Variants in SLC24A2 observed in about 807,000 individuals in gnomAD.
The protein encoded by SLC24A2 is sodium/potassium/calcium exchanger 2.
A neutral mutation model predicts 62.0 loss-of-function variants in SLC24A2; 36 were observed. That is an observed-to-expected ratio of 0.58 (90% CI 0.44 to 0.77). The LOEUF (loss-of-function observed/expected upper bound fraction) is 0.77, where lower values mean the gene tolerates loss of function less well. Ranked by LOEUF, SLC24A2 falls within the 30% of genes least tolerant of loss-of-function variation. The probability of loss-of-function intolerance (pLI) is 0.00; values close to 1 mark genes in which losing one functional copy is unlikely to be tolerated. For missense variants in SLC24A2, 846 were observed against 817.9 expected (o/e 1.03, Z -0.42); for synonymous variants, 358 against 294.0 (o/e 1.22, Z -2.23).
the SLC24A2 span, among the ~76,000 whole-genome samples, chr9:19,810,071 C>A: frequency 6.6e-6 from 1 of 152,182 alleles, no homozygotes; most frequent in Non-Finnish European, 1.5e-5. Context: ...AGAGGCCACA[C>A]TGCTGGCTAG....
the SLC24A2 span, among the ~76,000 whole-genome samples, chr9:20,242,932 G>T: frequency 3.3e-5 from 5 of 152,140 alleles, no homozygotes; most frequent in African/African-American, 4.8e-5. Flanking sequence ...GGGGATGGGT[G>T]GTGGTTAAAT....
the SLC24A2 span, among the ~76,000 whole-genome samples, chr9:20,032,089 G>C: frequency 6.6e-6 from 1 of 152,118 alleles, no homozygotes; most frequent in Admixed American, 6.5e-5. Flanking sequence ...TATTTCCTAA[G>C]GCCTGATCTA....
intron 2 of SLC24A2, among the ~76,000 whole-genome samples, chr9:19,710,885 G>A (rs1820696116): frequency 6.6e-6 from 1 of 152,180 alleles, no homozygotes; most frequent in Non-Finnish European, 1.5e-5. Context: ...CCAGTGAAAT[G>A]GATGACTATA....
the SLC24A2 span, among the ~76,000 whole-genome samples, chr9:19,810,081 G>C: frequency 6.6e-6 from 1 of 152,160 alleles, no homozygotes; most frequent in African/African-American, 2.4e-5. Flanking sequence ...CTGCTGGCTA[G>C]AACTATAGCA....
the SLC24A2 span, among the ~76,000 whole-genome samples, chr9:19,821,874 T>C: frequency 6.6e-6 from 1 of 152,152 alleles, no homozygotes; most frequent in African/African-American, 2.4e-5. Flanking sequence ...ATAACATGTA[T>C]ACCTACATAT....
chr9:20,095,287 A>C, the SLC24A2 span, among the ~76,000 whole-genome samples: 1 of 152,258 alleles, frequency 6.6e-6, no homozygotes, highest in African/African-American at 2.4e-5. Context: ...TAATCTATGT[A>C]AACAAAAGTT....
At chr9:20,022,050 C>T in the SLC24A2 span, among the ~76,000 whole-genome samples, 1 of 152,164 alleles carries the variant, frequency 6.6e-6, no homozygotes, top group African/African-American at 2.4e-5. Flanking sequence ...ATGTCTACTG[C>T]CTAAACCAGA....
At chr9:20,180,060 C>A in the SLC24A2 span, among the ~76,000 whole-genome samples, 1 of 152,058 alleles carries the variant, frequency 6.6e-6, no homozygotes, top group African/African-American at 2.4e-5. Flanking sequence ...CATTGCCTGG[C>A]TAAAATCAAC....
chr9:20,106,318 A>G, the SLC24A2 span, among the ~76,000 whole-genome samples: 1 of 152,246 alleles, frequency 6.6e-6, no homozygotes, highest in African/African-American at 2.4e-5. Flanking sequence ...AATCAATAGA[A>G]AAAGAGGGAA....
At chr9:20,263,869 C>A in the SLC24A2 span, among the ~76,000 whole-genome samples, 6 of 116,874 alleles carry the variant, frequency 5.1e-5, no homozygotes, top group Non-Finnish European at 8.9e-5. Flanking sequence ...CCGCCCCCCC[C>A]CCCCCATTAA....
chr9:19,551,330 C>T (rs1465276070), intron 7 of SLC24A2, among the ~76,000 whole-genome samples: 1 of 152,202 alleles, frequency 6.6e-6, no homozygotes. Flanking sequence ...TCTGACTTGG[C>T]AGCCAATGGC....
At chr9:19,571,875 G>A (rs1835846248) in intron 7 of SLC24A2, among the ~76,000 whole-genome samples, 1 of 152,116 alleles carries the variant, frequency 6.6e-6, no homozygotes, top group Admixed American at 6.5e-5. Flanking sequence ...AAATTGTACA[G>A]TTGGACGGTC....
intron 2 of SLC24A2, among the ~76,000 whole-genome samples, chr9:19,715,710 T>C (rs1158758164): frequency 6.6e-6 from 1 of 152,230 alleles, no homozygotes; most frequent in Non-Finnish European, 1.5e-5. Flanking sequence ...AGGGTACTTA[T>C]AAATGCATTC....
At chr9:19,777,338 C>T (rs945887478) in intron 2 of SLC24A2, among the ~76,000 whole-genome samples, 2 of 152,134 alleles carry the variant, frequency 1.3e-5, no homozygotes, top group African/African-American at 4.8e-5. Flanking sequence ...AATTGGAAAA[C>T]ATTAAAAATT....
chr9:20,094,447 C>A, the SLC24A2 span, among the ~76,000 whole-genome samples: 1 of 152,138 alleles, frequency 6.6e-6, no homozygotes, highest in Non-Finnish European at 1.5e-5. Flanking sequence ...TTTAAGCTCC[C>A]ATGTGAAAAA....
intron 2 of SLC24A2, among the ~76,000 whole-genome samples, chr9:19,663,358 A>G (rs955316804): frequency 3.3e-5 from 5 of 152,186 alleles, no homozygotes; most frequent in African/African-American, 9.6e-5. Context: ...GATCGCTTCA[A>G]ATAAACCCTA....
chr9:20,140,907 C>T, the SLC24A2 span, among the ~76,000 whole-genome samples: 1 of 152,164 alleles, frequency 6.6e-6, no homozygotes, highest in Non-Finnish European at 1.5e-5. Flanking sequence ...CTCTACCGCT[C>T]ACCTGCTTTC....
the SLC24A2 span, among the ~76,000 whole-genome samples, chr9:20,116,210 C>T: frequency 2.0e-5 from 3 of 152,166 alleles, no homozygotes; most frequent in African/African-American, 7.2e-5. Context: ...TCAAACAGCT[C>T]TCACACCAGA....
At chr9:20,246,105 A>G in the SLC24A2 span, among the ~76,000 whole-genome samples, 2 of 152,228 alleles carry the variant, frequency 1.3e-5, no homozygotes, top group Non-Finnish European at 2.9e-5. Context: ...TTGCTGCAGG[A>G]TATCAAGGTA....
Sources: allele counts gnomAD v4.1 joint callset (sites outside exome capture counted in the v4.1 genomes callset), GRCh38; gene constraint gnomAD v4.1.1; transcripts MANE v1.5; gene names NCBI Gene and HGNC (gene_info 2026-07-23, HGNC 2026-07-21).